USH2A: variants seen among roughly 807,000 people sequenced by gnomAD.
The protein encoded by USH2A is Usher syndrome 2A (autosomal recessive, mild).
Under a neutral mutation model 538.9 loss-of-function variants are expected in USH2A, and 443 were observed. That is an observed-to-expected ratio of 0.82 (90% CI 0.76 to 0.89). The LOEUF is 0.89. Ranked by LOEUF, USH2A falls within the 40% of genes least tolerant of loss-of-function variation. The probability of loss-of-function intolerance (pLI) is 0.00; values close to 1 mark genes in which losing one functional copy is unlikely to be tolerated. For missense variants in USH2A, 6,633 were observed against 6,324.8 expected, an observed-to-expected ratio of 1.05 and a Z score of -1.65; for synonymous variants, 2,413 against 2,273.5, an observed-to-expected ratio of 1.06 and a Z score of -1.75.
intron 64 of USH2A, among the ~76,000 whole-genome samples, chr1:215,658,365 C>CTT (rs892264486): frequency 1.3e-5 from 2 of 151,794 alleles, no homozygotes; most frequent in African/African-American, 4.8e-5. Context: ...AGCACTTACA[C>CTT]TTTTGTAAGT....
intron 38 of USH2A, among the ~76,000 whole-genome samples, chr1:215,932,360 T>A (rs1666386599): frequency 6.6e-6 from 1 of 152,026 alleles, no homozygotes; most frequent in Non-Finnish European, 1.5e-5. Context: ...TAACTCTCAG[T>A]ACTAATTTAA....
rs375125778 is a variant in USH2A, at chr1:215,869,053, A to G, written c.8682-1883T>C. On this transcript the variant is annotated intron_variant, in intron 43 of 71. Coordinates refer to ENST00000307340, the MANE Select transcript of USH2A (RefSeq NM_206933.4). ...GCTGAATAGTCCACATAATCCAGACAACTAAAAAATAATAATAGTTACTTA... is the reference window on the plus strand; with the variant it reads ...GCTGAATAGTCCACATAATCCAGACGACTAAAAAATAATAATAGTTACTTA... Among the ~76,000 whole-genome samples, 6 of 152,260 alleles carry G rather than the reference A, an allele frequency of 3.9e-5. No individual in the cohort carries two copies. The South Asian group carries it at 1.2e-3, about 32-fold the overall frequency.
At chr1:216,123,152 A>G (rs188121893) in intron 21 of USH2A, among the ~76,000 whole-genome samples, 1 of 152,370 alleles carries the variant, frequency 6.6e-6, no homozygotes, top group Admixed American at 6.5e-5. Context: ...AGTTACACTT[A>G]CCAGAAAAGA....
intron 47 of USH2A, among the ~76,000 whole-genome samples, chr1:215,834,207 G>T (rs183899145): frequency 6.6e-6 from 1 of 152,054 alleles, no homozygotes; most frequent in South Asian, 2.1e-4. Flanking sequence ...CACATGAAAT[G>T]AAAATATATC....
chr1:216,160,861 G>A lies in USH2A; in HGVS notation c.4627+14391C>T, dbSNP rs576705256. Among the ~76,000 whole-genome samples, 11 of 151,956 alleles carry A rather than the reference G, an allele frequency of 7.2e-5. No homozygotes were observed. The South Asian group carries it at 1.9e-3, about 26-fold the overall frequency. ...TGGGGATTTATATCTTCAACTATGA[G>A]GATATATTTATTCTCTGTTTATTTC... On this transcript the variant is annotated intron_variant, in intron 21 of 71. Coordinates refer to ENST00000307340, the MANE Select transcript of USH2A (RefSeq NM_206933.4).
chr1:215,698,983 C>CTTGAG (rs1658910224), intron 61 of USH2A, among the ~76,000 whole-genome samples: 2 of 151,254 alleles, frequency 1.3e-5, no homozygotes, highest in Admixed American at 6.6e-5. Context: ...TTTAATCCAT[C>CTTGAG]TTAATTTTTG....
At chr1:216,050,618 TTTTTG>T (rs2030743832) in intron 30 of USH2A, among the ~76,000 whole-genome samples, 2 of 104,908 alleles carry the variant, frequency 1.9e-5, no homozygotes, top group African/African-American at 5.7e-5. Context: ...TTTTTTTTTT[TTTTTG>T]AGACAGAGTC....
chr1:215,687,788 T>C (rs1470949643), intron 61 of USH2A, among the ~76,000 whole-genome samples: 1 of 152,076 alleles, frequency 6.6e-6, no homozygotes, highest in Admixed American at 6.5e-5. Flanking sequence ...AAAATTTTCA[T>C]TTGGGCCATA....
intron 35 of USH2A, 149 bp from the exon 36 acceptor site, chr1:215,970,925 T>C: frequency 1.2e-6 from 1 of 816,128 alleles, no homozygotes; most frequent in Non-Finnish European, 2.0e-6. Flanking sequence ...ACTCTGTCTC[T>C]TACCAAAGGA....
intron 8 of USH2A, among the ~76,000 whole-genome samples, chr1:216,322,428 C>T (rs967467357): frequency 6.6e-6 from 1 of 151,422 alleles, no homozygotes; most frequent in Non-Finnish European, 1.5e-5. Flanking sequence ...CATGGCAAAA[C>T]CCCATCTCTA....
chr1:216,385,593 G>A (rs531244196), intron 3 of USH2A, among the ~76,000 whole-genome samples: 8 of 152,216 alleles, frequency 5.3e-5, no homozygotes, highest in Admixed American at 5.2e-4. Context: ...ACTCTGAGCT[G>A]GCACAGATAA....
intron 4 of USH2A, among the ~76,000 whole-genome samples, chr1:216,333,337 A>T (rs1175888321): frequency 1.3e-5 from 2 of 152,026 alleles, no homozygotes; most frequent in Non-Finnish European, 2.9e-5. Context: ...TCACTAGAGG[A>T]GCTCACTAGC....
chr1:216,305,617 T>C (rs2037302236), intron 9 of USH2A, among the ~76,000 whole-genome samples: 2 of 152,136 alleles, frequency 1.3e-5, no homozygotes, highest in South Asian at 2.1e-4. Flanking sequence ...GTGAGATTTA[T>C]GCTTTAAGGA....
intron 69 of USH2A, among the ~76,000 whole-genome samples, chr1:215,638,227 T>G (rs1169203760): frequency 6.6e-6 from 1 of 152,204 alleles, no homozygotes; most frequent in Non-Finnish European, 1.5e-5. Flanking sequence ...GCACGCGAAG[T>G]CATACAATTC....
chr1:215,870,990 C>T (rs1427462910), intron 43 of USH2A, among the ~76,000 whole-genome samples: 2 of 152,060 alleles, frequency 1.3e-5, no homozygotes, highest in Non-Finnish European at 2.9e-5. Flanking sequence ...GAAAAATGTC[C>T]ATTTTAAACT....
Position 215,839,532 on chromosome 1 carries a change from C to T in USH2A, c.9259-1429G>A, listed in dbSNP as rs115918172. The stretch of plus-strand genomic sequence containing the variant: ...AAACATAACTTTAAGCTCTAAACTA[C>T]TTAGGTATATTCAAATGTTTCTCCA... On this transcript the variant is annotated intron_variant, in intron 46 of 71. Coordinates refer to ENST00000307340, the MANE Select transcript of USH2A (RefSeq NM_206933.4). Among the ~76,000 whole-genome samples the T allele has an allele frequency of 3.7e-3, 560 of 152,246 alleles. 3 individuals are homozygous for T. Among genetic ancestry groups the T allele is most frequent in the African/African-American group, 0.013 (532 of 41,546 alleles).
chr1:215,709,988 T>C (rs76347710), intron 61 of USH2A, among the ~76,000 whole-genome samples: 2,319 of 152,324 alleles, frequency 0.015, 95 homozygotes, highest in East Asian at 0.1. Flanking sequence ...AGGTATAAAA[T>C]ATTTACACTG....
intron 14 of USH2A, among the ~76,000 whole-genome samples, chr1:216,227,778 C>G (rs1440112896): frequency 1.3e-5 from 2 of 152,154 alleles, no homozygotes; most frequent in African/African-American, 4.8e-5. Flanking sequence ...GGAATTAAAA[C>G]TGAGGAGACT....
chr1:216,246,400 C>T (rs1558341278), intron 13 of USH2A, among the ~76,000 whole-genome samples, 185 bp downstream of exon 13: 1 of 152,088 alleles, frequency 6.6e-6, no homozygotes, highest in Non-Finnish European at 1.5e-5. Flanking sequence ...AAAATAGTAA[C>T]ATAAATATGC....
Sources: allele counts gnomAD v4.1 joint callset (sites outside exome capture counted in the v4.1 genomes callset), GRCh38; gene constraint gnomAD v4.1.1; transcripts MANE v1.5; gene names NCBI Gene and HGNC (gene_info 2026-07-23, HGNC 2026-07-21).